Variants in GRAMD1B observed in about 807,000 individuals in gnomAD.
The protein encoded by GRAMD1B is GRAM domain containing 1B.
In GRAMD1B, 37 loss-of-function variants were observed where a neutral mutation model predicts 99.7. The observed-to-expected ratio is 0.37, with a 90% confidence interval of 0.29 to 0.49. The LOEUF (loss-of-function observed/expected upper bound fraction) is 0.49, where lower values mean the gene tolerates loss of function less well. GRAMD1B is among the 20% of genes least tolerant of loss of function. GRAMD1B has a pLI of 0.98. For synonymous variants in GRAMD1B, 427 were observed against 387.6 expected (o/e 1.10, Z -1.19); for missense variants, 888 against 1,009.2 (o/e 0.88, Z 1.63).
chr11:123,363,576 TTTTG>T, intron 1 of GRAMD1B, among the ~76,000 whole-genome samples: 1 of 149,874 alleles, frequency 6.7e-6, no homozygotes, highest in Non-Finnish European at 1.5e-5. Context: ...CATACTTTTT[TTTTG>T]TTTGTTTTTT....
At chr11:123,434,471 C>T (rs1268756711) in intron 1 of GRAMD1B, among the ~76,000 whole-genome samples, 2 of 151,942 alleles carry the variant, frequency 1.3e-5, no homozygotes, top group Non-Finnish European at 2.9e-5. Context: ...AATAGGTGCT[C>T]GTAGATACCA....
chr11:123,503,842 C>T (rs188592086), intron 2 of GRAMD1B, among the ~76,000 whole-genome samples: 2 of 152,276 alleles, frequency 1.3e-5, no homozygotes, highest in African/African-American at 4.8e-5. Flanking sequence ...CCACCACCCC[C>T]AGCCAAATTT....
At chr11:123,558,344 G>GA (rs1565370315) in intron 2 of GRAMD1B, among the ~76,000 whole-genome samples, 2 of 152,066 alleles carry the variant, frequency 1.3e-5, no homozygotes, top group African/African-American at 4.8e-5. Context: ...GGACATGAAA[G>GA]AAAAAATAGC....
chr11:123,406,366 G>A (rs1010524907), intron 1 of GRAMD1B, among the ~76,000 whole-genome samples: 2 of 151,804 alleles, frequency 1.3e-5, no homozygotes, highest in Non-Finnish European at 2.9e-5. Context: ...TGATTCTCCC[G>A]CCTCAGCCTC....
rs75609353 is a variant in GRAMD1B at position 123,582,368 on chromosome 11, G to A, written c.664-1944G>A. Among the ~76,000 whole-genome samples, 1,488 of 152,316 alleles carry A rather than the reference G, an allele frequency of 9.8e-3. 14 individuals are homozygous for A. The highest frequency in any genetic ancestry group is 0.047 in the South Asian group (226 of 4,826). ...TCAGGTCCCGGACTCCCATGTGGCCGCACCTTTGTCAGGAAAAAATAGTTT... is the reference window on the plus strand; with the variant it reads ...TCAGGTCCCGGACTCCCATGTGGCCACACCTTTGTCAGGAAAAAATAGTTT... On this transcript the variant is annotated intron_variant, in intron 3 of 19. Transcript: ENST00000635736.
At chr11:123,407,284 G>A (rs573480705) in intron 1 of GRAMD1B, among the ~76,000 whole-genome samples, 11 of 147,880 alleles carry the variant, frequency 7.4e-5, no homozygotes, top group South Asian at 6.4e-4. Context: ...TTTTTTTCCC[G>A]GGGAACTCTC....
intron 1 of GRAMD1B, among the ~76,000 whole-genome samples, chr11:123,414,288 AC>A (rs1316288877): frequency 6.6e-6 from 1 of 152,054 alleles, no homozygotes; most frequent in African/African-American, 2.4e-5. Context: ...CAGGTGATCC[AC>A]CCGCTTTGGC....
chr11:123,463,133 C>T (rs552622212), intron 1 of GRAMD1B, among the ~76,000 whole-genome samples: 4 of 152,260 alleles, frequency 2.6e-5, no homozygotes, highest in East Asian at 1.9e-4. Flanking sequence ...CTCAGCCTCC[C>T]GAGTAGCTGG....
intron 2 of GRAMD1B, among the ~76,000 whole-genome samples, chr11:123,562,017 G>T (rs1946826962): frequency 6.6e-6 from 1 of 152,108 alleles, no homozygotes; most frequent in Admixed American, 6.6e-5. Flanking sequence ...ACAATCACTT[G>T]TGGAAAGAAT....
At position 123,449,714 on chromosome 11, in the gene GRAMD1B, C is replaced by CTTTTTTTTTTTTTTTTTTTTTTTTT. The variant is rs767104181; in HGVS notation, c.374+18565_374+18566insTTTTTTTTTTTTTTTTTTTTTTTTT. ...TGCAGATGCATGCCACCATGCCTGG[C>CTTTTTTTTTTTTTTTTTTTTTTTTT]TTTTTTTTTTTTTTTTTGAGACAGG... On this transcript the variant is annotated intron_variant, in intron 1 of 19. Transcript: ENST00000635736. Among the ~76,000 whole-genome samples the CTTTTTTTTTTTTTTTTTTTTTTTTT allele has an allele frequency of 4.0e-4, 40 of 99,966 alleles. 3 individuals are homozygous for CTTTTTTTTTTTTTTTTTTTTTTTTT. The highest frequency in any genetic ancestry group is 6.8e-4 in the Admixed American group (7 of 10,308). 65.6% of individuals were successfully genotyped at this position (99,966 alleles called of 152,430 possible).
At chr11:123,365,071 C>T (rs1182050665) in intron 1 of GRAMD1B, among the ~76,000 whole-genome samples, 1 of 152,026 alleles carries the variant, frequency 6.6e-6, no homozygotes. Context: ...ATTTAATTGT[C>T]ATAAAAATAT....
intron 1 of GRAMD1B, among the ~76,000 whole-genome samples, chr11:123,367,234 G>A (rs1316561499): frequency 2.0e-5 from 3 of 152,162 alleles, no homozygotes; most frequent in Non-Finnish European, 2.9e-5. Flanking sequence ...AACAAGGTAC[G>A]CCTTGGGGAT....
At chr11:123,531,144 C>T (rs1230497060) in intron 2 of GRAMD1B, among the ~76,000 whole-genome samples, 1 of 152,168 alleles carries the variant, frequency 6.6e-6, no homozygotes, top group East Asian at 1.9e-4. Context: ...AGCAGGCACA[C>T]CCTCCTGCGA....
chr11:123,558,456 C>T (rs1458852941), intron 2 of GRAMD1B, among the ~76,000 whole-genome samples: 2 of 152,132 alleles, frequency 1.3e-5, no homozygotes, highest in African/African-American at 4.8e-5. Context: ...GGTACCCAAC[C>T]GTTCTCGGGT....
intron 2 of GRAMD1B, among the ~76,000 whole-genome samples, chr11:123,561,239 C>G (rs573796026): frequency 5.3e-5 from 8 of 152,206 alleles, no homozygotes; most frequent in Non-Finnish European, 1.0e-4. Context: ...TGTGGACAGG[C>G]CATGTGCTCC....
intron 2 of GRAMD1B, among the ~76,000 whole-genome samples, chr11:123,490,044 G>A (rs762300324): frequency 7.2e-5 from 11 of 152,160 alleles, no homozygotes; most frequent in Non-Finnish European, 1.2e-4. Context: ...CAGTCTGGGC[G>A]TAGAGCAAGC....
rs1455572335 is a variant in GRAMD1B at position 123,625,734 on chromosome 11, T to G, written c.*3139T>G. The G allele has an allele frequency of 2.6e-5, 4 of 152,292 alleles. No homozygotes were observed. Among genetic ancestry groups the G allele is most frequent in the Non-Finnish European group, 1.5e-5 (1 of 68,100 alleles). 9.4% of individuals were successfully genotyped at this position (152,292 alleles called of 1,614,324 possible). A position where few individuals can be genotyped will look rare whatever the true frequency, so the allele number is the denominator to read the frequency against. Reference sequence around the variant, plus strand: ...ATCATCTTTAAGGTAGGTTCTAGCTTTGACATCATCTTGGGGGTTAGGCCA... The same window carrying G: ...ATCATCTTTAAGGTAGGTTCTAGCTGTGACATCATCTTGGGGGTTAGGCCA... On this transcript the variant is annotated 3_prime_UTR_variant, in exon 20 of 20. Coordinates refer to ENST00000635736, the MANE Select transcript of GRAMD1B (RefSeq NM_001387025.1).
chr11:123,552,275 T>TTC (rs1491020799), intron 2 of GRAMD1B, among the ~76,000 whole-genome samples: 2 of 24,078 alleles, frequency 8.3e-5, no homozygotes, highest in African/African-American at 7.5e-4. Flanking sequence ...CTTTCTTTCT[T>TTC]TTTTTTTTTT....
intron 1 of GRAMD1B, 76 bp downstream of exon 1, chr11:123,431,242 TG>T: frequency 1.6e-6 from 1 of 614,944 alleles, no homozygotes; most frequent in Non-Finnish European, 2.9e-6. Flanking sequence ...CGGGGCATTC[TG>T]GGGGAAACGT....
Sources: gnomAD v4.1 joint callset for allele counts (sites outside exome capture counted in the v4.1 genomes callset) on GRCh38, gnomAD v4.1.1 for gene constraint, MANE v1.5 for transcripts, NCBI Gene and HGNC (gene_info 2026-07-23, HGNC 2026-07-21) for gene names.